Variants in DYNC2LI1 observed in about 807,000 individuals in gnomAD.
The protein encoded by DYNC2LI1 is dynein cytoplasmic 2 light intermediate chain 1, also known as cytoplasmic dynein 2 light intermediate chain 1.
DYNC2LI1 carries 45 observed loss-of-function variants against 51.9 expected under a neutral mutation model. That is an observed-to-expected ratio of 0.87 (90% confidence interval 0.68 to 1.11). The LOEUF (loss-of-function observed/expected upper bound fraction) is 1.11, where lower values mean the gene tolerates loss of function less well. Among genes scored for constraint, DYNC2LI1 ranks in the 50% most tolerant of loss-of-function variants. The pLI is 0.00. For missense variants in DYNC2LI1, 490 were observed against 417.4 expected (o/e 1.17, Z -1.51); for synonymous variants, 130 against 137.8 (o/e 0.94, Z 0.40).
At chr2:43,792,158 C>T (rs1673821175) in intron 5 of DYNC2LI1, among the ~76,000 whole-genome samples, 1 of 151,992 alleles carries the variant, frequency 6.6e-6, no homozygotes, top group African/African-American at 2.4e-5. Flanking sequence ...AGCAAAACTG[C>T]TTATGAGCTT....
At chr2:43,818,634 G>C in the DYNC2LI1 span, among the ~76,000 whole-genome samples, 1 of 152,050 alleles carries the variant, frequency 6.6e-6, no homozygotes, top group Non-Finnish European at 1.5e-5. Context: ...CTGTACTCTT[G>C]GTGTGATTTG....
chr2:43,811,572 AAG>A (rs1666481415), downstream of DYNC2LI1, among the ~76,000 whole-genome samples: 1 of 152,168 alleles, frequency 6.6e-6, no homozygotes, highest in Non-Finnish European at 1.5e-5. Context: ...ATCAATCAGA[AAG>A]AGAATCAGTA....
At chr2:43,778,137 A>G (rs866110211) in intron 2 of DYNC2LI1, among the ~76,000 whole-genome samples, 7 of 152,186 alleles carry the variant, frequency 4.6e-5, no homozygotes, top group Non-Finnish European at 8.8e-5. Flanking sequence ...ATTTTAACCC[A>G]ACTATATAAG....
chr2:43,818,485 G>A, the DYNC2LI1 span, among the ~76,000 whole-genome samples: 14 of 152,202 alleles, frequency 9.2e-5, no homozygotes, highest in Non-Finnish European at 1.5e-4. Flanking sequence ...TCTACAGAAC[G>A]AGTATCACTT....
chr2:43,780,461 T>C (rs1673225122), intron 2 of DYNC2LI1, among the ~76,000 whole-genome samples: 1 of 151,816 alleles, frequency 6.6e-6, no homozygotes, highest in South Asian at 2.1e-4. Context: ...CCTCTGAGGT[T>C]TTTTCAAGAG....
the DYNC2LI1 span, among the ~76,000 whole-genome samples, chr2:43,815,072 A>C: frequency 6.6e-6 from 1 of 152,216 alleles, no homozygotes; most frequent in Non-Finnish European, 1.5e-5. Context: ...GACCTAACAC[A>C]TACCAATTGG....
At chr2:43,789,062 A>C (rs1452440886) in intron 4 of DYNC2LI1, among the ~76,000 whole-genome samples, 1 of 152,184 alleles carries the variant, frequency 6.6e-6, no homozygotes, top group African/African-American at 2.4e-5. Flanking sequence ...TATTATTGTC[A>C]GTGGTAGCCT....
chr2:43,810,491 A>G (rs773997133), downstream of DYNC2LI1: 66 of 985,438 alleles, frequency 6.7e-5, no homozygotes, highest in Non-Finnish European at 8.0e-5. Context: ...TCCAATCTGT[A>G]GATGTGTGTA....
intron 1 of DYNC2LI1, among the ~76,000 whole-genome samples, 175 bp from the exon 2 acceptor site, chr2:43,776,607 A>G (rs1673035861): frequency 6.6e-6 from 1 of 152,236 alleles, no homozygotes; most frequent in Non-Finnish European, 1.5e-5. Context: ...GCAACAAAAG[A>G]AAAATAAAAT....
chr2:43,803,898 A>G (rs1400520867), intron 10 of DYNC2LI1, among the ~76,000 whole-genome samples: 1 of 152,228 alleles, frequency 6.6e-6, no homozygotes, highest in Admixed American at 6.5e-5. Context: ...TTCAAATTAA[A>G]TTATACAAGT....
chr2:43,801,452 G>T, intron 9 of DYNC2LI1, 187 bp from the exon 10 acceptor site: 1 of 435,570 alleles, frequency 2.3e-6, no homozygotes, highest in Non-Finnish European at 4.1e-6. Context: ...CCTATAAAAT[G>T]TTTATTTATG....
At chr2:43,782,599 C>T (rs1202015096) in intron 2 of DYNC2LI1, among the ~76,000 whole-genome samples, 1 of 149,480 alleles carries the variant, frequency 6.7e-6, no homozygotes, top group Non-Finnish European at 1.5e-5. Context: ...TGATATAAAC[C>T]ACTGAGCTAA....
At position 43,801,620 on chromosome 2, in the gene DYNC2LI1, C is replaced by A. The variant is rs111550558; in HGVS notation, c.732-19C>A. The A allele has an allele frequency of 4.5e-5, 72 of 1,589,446 alleles. 1 individual carries two copies. The African/African-American group carries it at 7.2e-4, about 16-fold the overall frequency. ...TCTAATTGCTAAACTAATTTAGAAT[C>A]TTTCTCTTCTCCACGTAGCAAATCA... On this transcript the variant is annotated intron_variant, in intron 9 of 12. Coordinates refer to ENST00000260605, the MANE Select transcript of DYNC2LI1 (RefSeq NM_016008.4).
At chr2:43,775,664 ATTTCT>A (rs1182018372) in intron 1 of DYNC2LI1, 122 of 373,930 alleles carry the variant, frequency 3.3e-4, no homozygotes, top group African/African-American at 2.7e-3. Context: ...CACCCAGCTA[ATTTCT>A]TTTCTTTTTC....
At chr2:43,779,589 A>C (rs965505496) in intron 2 of DYNC2LI1, among the ~76,000 whole-genome samples, 2 of 152,328 alleles carry the variant, frequency 1.3e-5, no homozygotes, top group African/African-American at 4.8e-5. Context: ...CTGTGGTGGA[A>C]AACAGAGAGG....
chr2:43,826,659 TG>T, the DYNC2LI1 span: 1 of 1,359,754 alleles, frequency 7.4e-7, no homozygotes, highest in Admixed American at 1.8e-5. Context: ...ACATGTAAAC[TG>T]GCTTTCAGCC....
chr2:43,779,061 A>T (rs1673156979), intron 2 of DYNC2LI1, among the ~76,000 whole-genome samples: 1 of 151,932 alleles, frequency 6.6e-6, no homozygotes, highest in African/African-American at 2.4e-5. Context: ...TTCGAGACCA[A>T]CCTAGGCAAC....
chr2:43,825,105 A>G, the DYNC2LI1 span: 17 of 1,527,562 alleles, frequency 1.1e-5, no homozygotes, highest in Non-Finnish European at 1.4e-5. Flanking sequence ...TGCAGGGCCA[A>G]GGTCAGGTAT....
At chr2:43,811,918 T>C (rs74472863), downstream of DYNC2LI1, among the ~76,000 whole-genome samples, 3,277 of 152,320 alleles carry the variant, frequency 0.022, 81 homozygotes, top group African/African-American at 0.062. Flanking sequence ...ATAACCTATT[T>C]ACATTATTTT....
Sources: allele counts gnomAD v4.1 joint callset (sites outside exome capture counted in the v4.1 genomes callset), GRCh38; gene constraint gnomAD v4.1.1; transcripts MANE v1.5; gene names NCBI Gene and HGNC (gene_info 2026-07-23, HGNC 2026-07-21).